The following RGS6 variants were observed in gnomAD, a reference collection of about 807,000 sequenced individuals.
RGS6 encodes regulator of G-protein signaling 6.
In RGS6, 30 loss-of-function variants were observed where a neutral mutation model predicts 78.5. The observed-to-expected ratio is 0.38, with a 90% confidence interval of 0.29 to 0.52. RGS6 has a LOEUF of 0.52. Ranked by LOEUF, RGS6 falls within the 20% of genes least tolerant of loss-of-function variation. The pLI is 0.85. For missense variants in RGS6, 495 were observed against 609.7 expected (o/e 0.81, Z 1.98); for synonymous variants, 206 against 206.0 (o/e 1.00, Z 0.00).
intron 2 of RGS6, among the ~76,000 whole-genome samples, chr14:72,338,550 A>G (rs1191369490): frequency 3.3e-5 from 5 of 152,264 alleles, no homozygotes; most frequent in Non-Finnish European, 7.3e-5. Flanking sequence ...CAGCCAAACC[A>G]TATCAGAAGC....
intron 2 of RGS6, among the ~76,000 whole-genome samples, chr14:72,215,456 T>G (rs570213688): frequency 6.6e-6 from 1 of 152,328 alleles, no homozygotes; most frequent in South Asian, 2.1e-4. Context: ...AGGCCATTTT[T>G]TTTACTTTCT....
intron 12 of RGS6, among the ~76,000 whole-genome samples, chr14:72,490,905 C>A (rs1342074293): frequency 6.6e-6 from 1 of 152,158 alleles, no homozygotes. Flanking sequence ...GCATATGAAT[C>A]ACCTGGGGGA....
intron 1 of RGS6, among the ~76,000 whole-genome samples, chr14:71,936,014 G>GAATATATATATATATATATATATATA (rs2089106492): frequency 9.3e-5 from 1 of 10,768 alleles, no homozygotes; most frequent in Non-Finnish European, 3.6e-4. Context: ...AGAACTAATA[G>GAATATATATATATATATATATATATA]GATATATATA....
At chr14:72,056,566 T>C (rs974844600) in intron 2 of RGS6, among the ~76,000 whole-genome samples, 1 of 152,226 alleles carries the variant, frequency 6.6e-6, no homozygotes, top group Non-Finnish European at 1.5e-5. Flanking sequence ...ACAATGACTT[T>C]AGTTGACAAT....
intron 2 of RGS6, among the ~76,000 whole-genome samples, chr14:72,047,535 TGA>T (rs2092940864): frequency 6.6e-6 from 1 of 152,206 alleles, no homozygotes; most frequent in Non-Finnish European, 1.5e-5. Context: ...AAGTGACCGC[TGA>T]GAGAATGGGG....
At chr14:72,459,525 G>A (rs1409103033) in intron 5 of RGS6, 107 bp from the exon 6 acceptor site, 13 of 998,728 alleles carry the variant, frequency 1.3e-5, no homozygotes, top group African/African-American at 3.2e-5. Context: ...GCATCAGCAA[G>A]AAGGAGATGG....
intron 3 of RGS6, among the ~76,000 whole-genome samples, chr14:72,418,213 T>C (rs1286503299): frequency 6.6e-6 from 1 of 151,824 alleles, no homozygotes; most frequent in Non-Finnish European, 1.5e-5. Flanking sequence ...GTTGCCCAGG[T>C]TGGAGTACAA....
intron 2 of RGS6, among the ~76,000 whole-genome samples, chr14:72,267,757 A>C (rs1042230877): frequency 3.3e-5 from 5 of 152,250 alleles, no homozygotes; most frequent in African/African-American, 1.2e-4. Flanking sequence ...TGAAAGACTC[A>C]TTGTTAGAAT....
In RGS6 at chr14:72,470,007, G is replaced by A; in HGVS notation, c.460G>A (p.Glu154Lys). The change falls in exon 8 of 18, where the codon GAA becomes AAA. Residue 154 changes from glutamate to lysine, a missense_variant and splice_region_variant. By Grantham distance (56) the Glu-to-Lys change is moderately conservative (BLOSUM62 1). Transcript: ENST00000553525. ...ARLELADYEAENLARLQRAFA... is the reference protein window; with the variant it reads ...ARLELADYEAKNLARLQRAFA... ...CTTGTTGATTTTCATTTCTCATTAG[G>A]AAAACTTAGCAAGACTCCAGAGGGC... 1 of 1,611,034 alleles carries A rather than the reference G, an allele frequency of 6.2e-7. No individual in the cohort carries two copies. The highest frequency in any genetic ancestry group is 8.5e-7 in the Non-Finnish European group (1 of 1,177,714).
At chr14:72,011,094 A>G (rs928621424) in intron 2 of RGS6, among the ~76,000 whole-genome samples, 1 of 152,208 alleles carries the variant, frequency 6.6e-6, no homozygotes, top group African/African-American at 2.4e-5. Flanking sequence ...AATTTGTTGT[A>G]ATTTTGTCCT....
Position 72,458,376 on chromosome 14 carries a change from A to T in RGS6, c.341A>T (p.Gln114Leu). The T allele has an allele frequency of 6.2e-7, 1 of 1,611,700 alleles. No individual in the cohort carries two copies. The highest frequency in any genetic ancestry group is 8.5e-7 in the Non-Finnish European group (1 of 1,177,936). Residue 114 changes from glutamine to leucine, a missense_variant and splice_region_variant, in exon 5 of 18, where the codon CAG (glutamine) becomes CTG (leucine). Coordinates refer to ENST00000553525, the MANE Select transcript of RGS6 (RefSeq NM_001204424.2). ...MKDDGTFYRF[Q>L]APYFWPSNCW... is the part of the protein sequence containing the mutation. Reference sequence around the variant, plus strand: ...GATGATGGCACCTTTTATCGTTTCCAGGTAAGCCTGCTGGCTCCTCCTCCT... The same window carrying T: ...GATGATGGCACCTTTTATCGTTTCCTGGTAAGCCTGCTGGCTCCTCCTCCT...
At chr14:72,175,858 A>G (rs906799296) in intron 2 of RGS6, among the ~76,000 whole-genome samples, 3 of 152,128 alleles carry the variant, frequency 2.0e-5, no homozygotes, top group African/African-American at 2.4e-5. Context: ...GGGATTGAGG[A>G]AACTGACCTA....
chr14:72,185,224 C>A (rs2097223154), intron 2 of RGS6, among the ~76,000 whole-genome samples: 2 of 152,052 alleles, frequency 1.3e-5, no homozygotes, highest in East Asian at 3.9e-4. Context: ...ATGGTGCCCA[C>A]CCAGATTGAG....
intron 2 of RGS6, among the ~76,000 whole-genome samples, chr14:72,112,899 CAG>C (rs1373935728): frequency 6.6e-6 from 1 of 152,210 alleles, no homozygotes; most frequent in African/African-American, 2.4e-5. Flanking sequence ...AAGAAACACA[CAG>C]GGGGACAGGC....
intron 2 of RGS6, among the ~76,000 whole-genome samples, chr14:72,251,875 A>C (rs1211232050): frequency 6.6e-6 from 1 of 152,238 alleles, no homozygotes; most frequent in African/African-American, 2.4e-5. Flanking sequence ...AGTTGAAAAG[A>C]AAAGAAAAAT....
At chr14:72,110,814 T>A (rs2095743518) in intron 2 of RGS6, among the ~76,000 whole-genome samples, 1 of 152,010 alleles carries the variant, frequency 6.6e-6, no homozygotes, top group Non-Finnish European at 1.5e-5. Context: ...ACCATGAGAG[T>A]CTGGGGAGCC....
At chr14:72,098,385 G>A (rs1325139813) in intron 2 of RGS6, among the ~76,000 whole-genome samples, 1 of 152,226 alleles carries the variant, frequency 6.6e-6, no homozygotes, top group African/African-American at 2.4e-5. Flanking sequence ...ACATGTGGCA[G>A]GTGCCACTAT....
intron 2 of RGS6, among the ~76,000 whole-genome samples, chr14:72,298,400 T>A (rs1364094163): frequency 1.3e-5 from 2 of 151,374 alleles, no homozygotes; most frequent in African/African-American, 4.8e-5. Context: ...TTTTTGTGTT[T>A]GTGTTAATGA....
At chr14:71,881,611 C>T in the RGS6 span, among the ~76,000 whole-genome samples, 7 of 152,308 alleles carry the variant, frequency 4.6e-5, no homozygotes, top group African/African-American at 9.6e-5. Flanking sequence ...CCATGTGAGA[C>T]GTGCCTTTCA....
Sources: gnomAD v4.1 joint callset for allele counts (sites outside exome capture counted in the v4.1 genomes callset) on GRCh38, gnomAD v4.1.1 for gene constraint, MANE v1.5 for transcripts, NCBI Gene and HGNC (gene_info 2026-07-23, HGNC 2026-07-21) for gene names.